MST1R: variants seen among roughly 807,000 people sequenced by gnomAD.
The protein encoded by MST1R is macrophage-stimulating protein receptor.
In MST1R, 99 loss-of-function variants were observed where a neutral mutation model predicts 117.8. The ratio of observed to expected loss-of-function variants is 0.84; its 90% CI spans 0.71 to 0.99. The LOEUF (loss-of-function observed/expected upper bound fraction) is 0.99, where lower values mean the gene tolerates loss of function less well. MST1R is among the 50% of genes least tolerant of loss of function. The pLI, the probability that MST1R is intolerant of heterozygous loss-of-function variation, is 0.00. For synonymous variants in MST1R, 734 were observed against 765.3 expected (o/e 0.96, Z 0.68); for missense variants, 1,683 against 1,840.2 (o/e 0.91, Z 1.56).
In MST1R at chr3:49,897,267, T is replaced by A; in HGVS notation, c.2183+13A>T. ...AACCCTGCGGCCTCCCATGCCTGCC[T>A]GGTGGTACTTACCGTGCTAGCAGAC... On this transcript the variant is annotated intron_variant, in intron 7 of 19. Coordinates refer to ENST00000296474, the MANE Select transcript of MST1R (RefSeq NM_002447.4). 6.3e-7 allele frequency: 1 copy of A among 1,593,008 alleles called. No homozygotes were observed. The highest frequency in any genetic ancestry group is 8.6e-7 in the Non-Finnish European group (1 of 1,169,078).
At position 49,896,369 on chromosome 3, in the gene MST1R, G is replaced by A; in HGVS notation, c.2475C>T (p.Arg825=). 1 of 1,613,894 alleles carries A rather than the reference G, an allele frequency of 6.2e-7. No individual in the cohort carries two copies. Among genetic ancestry groups the A allele is most frequent in the Non-Finnish European group, 8.5e-7 (1 of 1,180,000 alleles). ...ERQLPEQQLC[R]LPEYVVRDPQ... ...GGTCTCGGACCACATATTCAGGAAGGCGGCACAGCTGCTGCTCTGGAAGCT... is the reference window on the plus strand; with the variant it reads ...GGTCTCGGACCACATATTCAGGAAGACGGCACAGCTGCTGCTCTGGAAGCT... The change falls in exon 10 of 20, where the codon CGC becomes CGT. Residue 825 remains arginine (R), a synonymous_variant. Transcript: ENST00000296474.
Position 49,896,048 on chromosome 3 carries a change from C to G in MST1R, c.2709G>C (p.Glu903Asp). The change falls in exon 11 of 20, where the codon GAG becomes GAC. Residue 903 changes from glutamate (E) to aspartate (D), a missense_variant. Coordinates refer to ENST00000296474, the MANE Select transcript of MST1R (RefSeq NM_002447.4). ...CVGINVTVGG[E>D]SCQHEFRGDM... is the part of the protein sequence containing the mutation. The stretch of plus-strand genomic sequence containing the variant: ...CCCCCCGGAACTCGTGCTGGCAGCT[C>G]TCACCACCCACGGTCACGTTGATAC... 1.2e-6 allele frequency: 2 copies of G among 1,610,222 alleles called. No homozygotes were observed. Among genetic ancestry groups the G allele is most frequent in the Middle Eastern group, 1.7e-4 (1 of 6,044 alleles).
intron 7 of MST1R, 40 bp downstream of exon 7, chr3:49,897,240 A>G (rs1452634541): frequency 2.5e-6 from 4 of 1,568,920 alleles, no homozygotes; most frequent in Non-Finnish European, 3.5e-6. Flanking sequence ...CCACCTGGAT[A>G]GAACCCTGCG....
At chr3:49,900,628 C>T (rs980726694) in intron 1 of MST1R, among the ~76,000 whole-genome samples, 1 of 152,190 alleles carries the variant, frequency 6.6e-6, no homozygotes, top group African/African-American at 2.4e-5. Context: ...GGGATTTTGT[C>T]CTCACTTGAG....
intron 14 of MST1R, 91 bp from the exon 15 acceptor site, chr3:49,891,929 A>G: frequency 2.1e-6 from 2 of 956,128 alleles, no homozygotes; most frequent in Non-Finnish European, 3.3e-6. Flanking sequence ...ACCTCAGAGC[A>G]CTAAACTGGC....
At chr3:49,888,206 G>A (rs1016445534) in intron 19 of MST1R, among the ~76,000 whole-genome samples, 1 of 152,178 alleles carries the variant, frequency 6.6e-6, no homozygotes, top group African/African-American at 2.4e-5. Flanking sequence ...GGAGGCCAAG[G>A]TGGGTGGATC....
In MST1R at chr3:49,902,970, G is replaced by A. The variant is rs149238234; in HGVS notation, c.640C>T (p.Arg214Cys). 7 of 1,613,148 alleles carry A rather than the reference G, an allele frequency of 4.3e-6. No homozygotes were observed. The highest frequency in any genetic ancestry group is 1.1e-5 in the South Asian group (1 of 91,046). Residue 214 changes from arginine (R) to cysteine (C), a missense_variant, in exon 1 of 20, where the codon CGC (arginine) becomes TGC (cysteine). By Grantham distance (180) the Arg-to-Cys change is radical (BLOSUM62 -3). Transcript: ENST00000296474. ...TTGAGACGCCTGATAGACACTGAGC[G>A]TGGGCTGAAGCTGGCAGCCACGGCT... Reference protein sequence around the residue: ...DAAVAASFSPRSVSIRRLKAD... With the variant: ...DAAVAASFSPCSVSIRRLKAD...
intron 18 of MST1R, 60 bp downstream of exon 18, chr3:49,890,425 T>A (rs891098933): frequency 6.5e-7 from 1 of 1,544,830 alleles, no homozygotes. Flanking sequence ...GCTGAATGGG[T>A]GAGGCCCAGT....
chr3:49,893,501 G>C (rs1262772195), intron 14 of MST1R, among the ~76,000 whole-genome samples: 2 of 151,806 alleles, frequency 1.3e-5, no homozygotes, highest in Admixed American at 6.6e-5. Context: ...CTACTAGGGA[G>C]GGTGAGGCAG....
At position 49,898,802 on chromosome 3, in the gene MST1R, T is replaced by C. The variant is rs1157912258; in HGVS notation, c.1548+65A>G. On this transcript the variant is annotated intron_variant, in intron 3 of 19. Transcript: ENST00000296474. ...TAGGGCCTGTATGTCAATGCCTCCC[T>C]GGATTGGATGGAGAGTCTGTGATCC... 5.6e-6 allele frequency: 9 copies of C among 1,609,450 alleles called. No homozygotes were observed. The African/African-American group carries it at 1.1e-4, about 19-fold the overall frequency.
chr3:49,890,598 T>C lies in MST1R; in HGVS notation c.3697A>G (p.Ile1233Val). The C allele has an allele frequency of 6.2e-7, 1 of 1,614,128 alleles. No individual in the cohort carries two copies. The highest frequency in any genetic ancestry group is 8.5e-7 in the Non-Finnish European group (1 of 1,179,968). Reference protein sequence around the residue: ...KVADFGLARDILDREYYSVQQ... With the variant: ...KVADFGLARDVLDREYYSVQQ... ...ACACTATAGTACTCCCTGTCCAGGATGTCGCGGGCCAAACCAAAGTCAGCC... is the reference window on the plus strand; with the variant it reads ...ACACTATAGTACTCCCTGTCCAGGACGTCGCGGGCCAAACCAAAGTCAGCC... The change falls in exon 18 of 20, where the codon ATC becomes GTC. Residue 1233 changes from isoleucine (I) to valine (V), a missense_variant. Physicochemically the swap from Ile to Val is conservative, Grantham distance 29 (BLOSUM62 3). Transcript: ENST00000296474.
At position 49,899,130 on chromosome 3, in the gene MST1R, C is replaced by T. The variant is rs772287018; in HGVS notation, c.1364G>A (p.Arg455His). Residue 455 changes from arginine to histidine, a missense_variant, in exon 2 of 20, where the codon CGC becomes CAC. By Grantham distance (29) the Arg-to-His change is conservative (BLOSUM62 0). Coordinates refer to ENST00000296474, the MANE Select transcript of MST1R (RefSeq NM_002447.4). The part of the protein sequence containing the change: ...PVQVTALYVT[R>H]LDNVTVAHMG... Reference sequence around the variant, plus strand: ...GTGTGCCACTGTGACGTTGTCAAGGCGTGTCACATACAATGCAGTGACCTG... The same window carrying T: ...GTGTGCCACTGTGACGTTGTCAAGGTGTGTCACATACAATGCAGTGACCTG... 31 of 1,614,038 alleles carry T rather than the reference C, an allele frequency of 1.9e-5. No individual in the cohort carries two copies. The highest frequency in any genetic ancestry group is 4.5e-5 in the East Asian group (2 of 44,906).
At position 49,897,305 on chromosome 3, in the gene MST1R, T is replaced by C. The variant is rs781071910; in HGVS notation, c.2158A>G (p.Asn720Asp). Residue 720 changes from asparagine to aspartate, a missense_variant, in exon 7 of 20, where the codon AAT becomes GAT. Asn to Asp is a conservative substitution (Grantham distance 23). Transcript: ENST00000296474. The part of the protein sequence containing the change: ...SVGTSRAVLV[N>D]GTECLLARVS... ...CGTGCTAGCAGACACTCAGTCCCATTGACCAGCACAGCCCGGCTGGTGCCT... is the reference window on the plus strand; with the variant it reads ...CGTGCTAGCAGACACTCAGTCCCATCGACCAGCACAGCCCGGCTGGTGCCT... 1.9e-6 allele frequency: 3 copies of C among 1,612,340 alleles called. No homozygotes were observed. The highest frequency in any genetic ancestry group is 2.2e-5 in the South Asian group (2 of 90,884).
At chr3:49,891,974 T>C in intron 14 of MST1R, 136 bp from the exon 15 acceptor site, 1 of 649,456 alleles carries the variant, frequency 1.5e-6, no homozygotes, top group South Asian at 2.3e-5. Context: ...AATTTTTATT[T>C]ATTTTTTTTG....
chr3:49,895,475 G>C lies in MST1R; in HGVS notation c.3036C>G (p.Tyr1012Ter), dbSNP rs772312999. ...TAGATPLPILYSGSDYRSGLA... is the reference protein window; with the variant it reads ...TAGATPLPIL ...GGCCACTTCTGTAGTCAGAGCCCGAGTACAGAATAGGCAGGGGTGTGGCTC... is the reference window on the plus strand; with the variant it reads ...GGCCACTTCTGTAGTCAGAGCCCGACTACAGAATAGGCAGGGGTGTGGCTC... The change falls in exon 13 of 20, where the codon TAC becomes TAG. Residue 1012 changes from tyrosine (Y) to a stop codon, truncating the protein, a stop_gained. Coordinates refer to ENST00000296474, the MANE Select transcript of MST1R (RefSeq NM_002447.4). LOFTEE classifies it high-confidence loss of function. 6.2e-7 allele frequency: 1 copy of C among 1,614,184 alleles called. No homozygotes were observed. Among genetic ancestry groups the C allele is most frequent in the Non-Finnish European group, 8.5e-7 (1 of 1,180,036 alleles).
At position 49,890,633 on chromosome 3, in the gene MST1R, G is replaced by A. The variant is rs1163953341; in HGVS notation, c.3662C>T (p.Thr1221Ile). The change falls in exon 18 of 20, where the codon ACA becomes ATA. Residue 1221 changes from threonine (T) to isoleucine (I), a missense_variant. Physicochemically the swap from Thr to Ile is moderately conservative, Grantham distance 89. Transcript: ENST00000296474. ...ARNCMLDESF[T>I]VKVADFGLAR... ...CAAACCAAAGTCAGCCACCTTGACT[G>A]TGAATGACTCGTCCAGCCTTAGGGG... is the stretch of plus-strand genomic sequence containing the variant. 1 of 1,612,692 alleles carries A rather than the reference G, an allele frequency of 6.2e-7. No individual in the cohort carries two copies.
Position 49,889,945 on chromosome 3 carries a change from G to A in MST1R, c.3926C>T (p.Pro1309Leu). The change falls in exon 19 of 20, where the codon CCT becomes CTT. Residue 1309 changes from proline to leucine, a missense_variant. Pro to Leu is a moderately conservative substitution (Grantham distance 98). Coordinates refer to ENST00000296474, the MANE Select transcript of MST1R (RefSeq NM_002447.4). ...FLAQGRRLPQ[P>L]EYCPDSLYQV... ...TCACAGAGAATCAGGGCAATACTCAGGCTGGGGCAGGCGCCGACCCTGGGC... is the reference window on the plus strand; with the variant it reads ...TCACAGAGAATCAGGGCAATACTCAAGCTGGGGCAGGCGCCGACCCTGGGC... 2.5e-6 allele frequency: 4 copies of A among 1,614,154 alleles called. No individual in the cohort carries two copies. Among genetic ancestry groups the A allele is most frequent in the Non-Finnish European group, 3.4e-6 (4 of 1,180,016 alleles).
rs1178581157 is a variant in MST1R at position 49,890,611 on chromosome 3, A to T, written c.3684T>A (p.Gly1228=). 1 of 1,613,942 alleles carries T rather than the reference A, an allele frequency of 6.2e-7. No individual in the cohort carries two copies. Residue 1228 remains glycine (G), a synonymous_variant, in exon 18 of 20, where the codon GGT becomes GGA. Transcript: ENST00000296474. ...CCCTGTCCAGGATGTCGCGGGCCAAACCAAAGTCAGCCACCTTGACTGTGA... is the reference window on the plus strand; with the variant it reads ...CCCTGTCCAGGATGTCGCGGGCCAATCCAAAGTCAGCCACCTTGACTGTGA... ...ESFTVKVADF[G]LARDILDREY...
intron 1 of MST1R, 82 bp downstream of exon 1, chr3:49,902,298 C>A: frequency 5.4e-6 from 8 of 1,491,526 alleles, no homozygotes; most frequent in South Asian, 1.3e-5. Context: ...GCCCCCAGAT[C>A]CCCTCAGTGA....
Sources: allele counts gnomAD v4.1 joint callset (sites outside exome capture counted in the v4.1 genomes callset), GRCh38; gene constraint gnomAD v4.1.1; transcripts MANE v1.5; gene names NCBI Gene and HGNC (gene_info 2026-07-23, HGNC 2026-07-21).